SPO11: variants seen among roughly 807,000 people sequenced by gnomAD.
The protein encoded by SPO11 is SPO11 initiator of meiotic double strand breaks.
Under a neutral mutation model 51.6 loss-of-function variants are expected in SPO11, and 49 were observed. That is an observed-to-expected ratio of 0.95 (90% CI 0.75 to 1.20). The LOEUF is 1.20. SPO11 is among the 50% of genes most tolerant of loss of function. SPO11 has a pLI of 0.00. For missense variants in SPO11, 431 were observed against 473.4 expected, an observed-to-expected ratio of 0.91 and a Z score of 0.83; for synonymous variants, 176 against 158.2, an observed-to-expected ratio of 1.11 and a Z score of -0.84.
chr20:57,334,032 C>T lies in SPO11; in HGVS notation c.447C>T (p.Val149=), dbSNP rs765572171. The change falls in exon 5 of 13, where the codon GTC becomes GTT. Residue 149 remains valine (V), a synonymous_variant. Transcript: ENST00000371263. The part of the protein sequence containing the change: ...TDSQLFGNQT[V]VDNIINDISC... Reference sequence around the variant, plus strand: ...GTCAACTCTTTGGTAACCAGACTGTCGTCGACAATATTATCAATGACATTT... The same window carrying T: ...GTCAACTCTTTGGTAACCAGACTGTTGTCGACAATATTATCAATGACATTT... The T allele has an allele frequency of 1.1e-5, 17 of 1,590,254 alleles. No individual in the cohort carries two copies. The highest frequency in any genetic ancestry group is 9.4e-5 in the African/African-American group (7 of 74,374).
At position 57,329,919 on chromosome 20, in the gene SPO11, C is replaced by T. The variant is rs769791952; in HGVS notation, c.52C>T (p.Arg18Ter). ...PEASFFDVLD[R>*]HRESLLAALR... ...GGCCTCGTTCTTCGACGTTTTGGAC[C>T]GACACAGGGAGTCCCTGCTGGCTGC... The change falls in exon 1 of 13, where the codon CGA becomes TGA. Residue 18 changes from arginine (R) to a stop codon, truncating the protein, a stop_gained. Coordinates refer to ENST00000371263, the MANE Select transcript of SPO11 (RefSeq NM_012444.3). LOFTEE classifies it high-confidence loss of function. 1.9e-6 allele frequency: 3 copies of T among 1,613,832 alleles called. No individual in the cohort carries two copies. Among genetic ancestry groups the T allele is most frequent in the Non-Finnish European group, 2.5e-6 (3 of 1,179,916 alleles).
rs2066422389 is a variant in SPO11 at position 57,329,913 on chromosome 20, T to G, written c.46T>G (p.Leu16Val). ...MGPEASFFDV[L>V]DRHRESLLAA... ...GCCCGAGGCCTCGTTCTTCGACGTT[T>G]TGGACCGACACAGGGAGTCCCTGCT... The change falls in exon 1 of 13, where the codon TTG (leucine) becomes GTG (valine). Residue 16 changes from leucine to valine, a missense_variant. Coordinates refer to ENST00000371263, the MANE Select transcript of SPO11 (RefSeq NM_012444.3). 3.7e-6 allele frequency: 6 copies of G among 1,613,898 alleles called. No homozygotes were observed. The highest frequency in any genetic ancestry group is 5.1e-6 in the Non-Finnish European group (6 of 1,179,912).
rs993697312 is a variant in SPO11 at position 57,343,519 on chromosome 20, G to A, written c.*59G>A. 2.7e-6 allele frequency: 4 copies of A among 1,504,302 alleles called. No homozygotes were observed. The Admixed American group carries it at 9.0e-5, about 34-fold the overall frequency. The allele number at this position is 1,504,302 out of a possible 1,614,324, so 93.2% of individuals were successfully genotyped here. A position where few individuals can be genotyped will look rare whatever the true frequency, so the allele number is the denominator to read the frequency against. On this transcript the variant is annotated 3_prime_UTR_variant, in exon 13 of 13. Coordinates refer to ENST00000371263, the MANE Select transcript of SPO11 (RefSeq NM_012444.3). The stretch of plus-strand genomic sequence containing the variant: ...CTTTTCATTAGTTTTGTTTTGATTG[G>A]CAAATACTATTGTGGAAAGAACATA...
rs570883340 is a variant in SPO11, at chr20:57,334,831, G to A, written c.592G>A (p.Ala198Thr). The change falls in exon 6 of 13, where the codon GCA becomes ACA. Residue 198 changes from alanine (A) to threonine (T), a missense_variant. Ala to Thr is a moderately conservative substitution (Grantham distance 58). This residue lies in a region of SPO11 where 405 missense variants were observed against 425.9 expected (regional missense o/e 0.95). Coordinates refer to ENST00000371263, the MANE Select transcript of SPO11 (RefSeq NM_012444.3). The part of the protein sequence containing the change: ...DGTKVNCTCG[A>T]TAVAVPSNIQ... ...CACCAAAGTGAATTGTACCTGTGGT[G>A]CAACGGTAAGAAGCATCATTGAAGT... 9 of 1,612,878 alleles carry A rather than the reference G, an allele frequency of 5.6e-6. No homozygotes were observed. Among genetic ancestry groups the A allele is most frequent in the Admixed American group, 5.0e-5 (3 of 59,966 alleles).
At position 57,335,898 on chromosome 20, in the gene SPO11, C is replaced by A; in HGVS notation, c.735C>A (p.Ile245=). 1 of 1,595,388 alleles carries A rather than the reference C, an allele frequency of 6.3e-7. No homozygotes were observed. The highest frequency in any genetic ancestry group is 8.6e-7 in the Non-Finnish European group (1 of 1,163,468). ...TTTGCAACAAATTGTCTCCTTGCAT[C>A]ATGATTACGGTATATTATCTAACTT... ...DNFCNKLSPC[I]MITGKGVPDL... is the part of the protein sequence containing the mutation. The change falls in exon 8 of 13, where the codon ATC becomes ATA. Residue 245 remains isoleucine, a synonymous_variant. Transcript: ENST00000371263.
intron 10 of SPO11, among the ~76,000 whole-genome samples, chr20:57,339,461 T>C (rs1279852870): frequency 2.0e-5 from 3 of 152,168 alleles, no homozygotes; most frequent in East Asian, 1.9e-4. Flanking sequence ...ATACCAGTGG[T>C]CTCACAGTGT....
chr20:57,340,832 A>G (rs1041929802), intron 11 of SPO11, among the ~76,000 whole-genome samples: 1 of 152,198 alleles, frequency 6.6e-6, no homozygotes, highest in Non-Finnish European at 1.5e-5. Flanking sequence ...ATCATTTGCC[A>G]TATGAATCAA....
chr20:57,329,853 C>A lies in SPO11; in HGVS notation c.-15C>A. The A allele has an allele frequency of 6.2e-7, 1 of 1,605,706 alleles. No individual in the cohort carries two copies. The highest frequency in any genetic ancestry group is 8.5e-7 in the Non-Finnish European group (1 of 1,175,348). Reference sequence around the variant, plus strand: ...GGACAGGGGCTTCTGGAGCTTCTGGCAGCCGTCTGCCCTCATGGCCTTTGC... The same window carrying A: ...GGACAGGGGCTTCTGGAGCTTCTGGAAGCCGTCTGCCCTCATGGCCTTTGC... On this transcript the variant is annotated 5_prime_UTR_variant, in exon 1 of 13. Coordinates refer to ENST00000371263, the MANE Select transcript of SPO11 (RefSeq NM_012444.3).
rs1457361677 is a variant in SPO11 at position 57,335,289 on chromosome 20, T to C, written c.598-130T>C. Reference sequence around the variant, plus strand: ...TGAGGGGTAAAGCTGTTTTCTACTATTTTTTAACAGAGGAAGAAGTCTCTG... The same window carrying C: ...TGAGGGGTAAAGCTGTTTTCTACTACTTTTTAACAGAGGAAGAAGTCTCTG... On this transcript the variant is annotated intron_variant, in intron 6 of 12. Transcript: ENST00000371263. 2.5e-5 allele frequency: 19 copies of C among 747,330 alleles called. No individual in the cohort carries two copies. The East Asian group carries it at 5.2e-4, about 21-fold the overall frequency. 46.3% of individuals were successfully genotyped at this position (747,330 alleles called of 1,614,324 possible). A position where few individuals can be genotyped will look rare whatever the true frequency, so the allele number is the denominator to read the frequency against.
Position 57,335,563 on chromosome 20 carries a change from G to A in SPO11, c.634+108G>A, listed in dbSNP as rs1007519577. 2.3e-5 allele frequency: 26 copies of A among 1,131,500 alleles called. No individual in the cohort carries two copies. The African/African-American group carries it at 4.1e-4, about 18-fold the overall frequency. The allele number at this position is 1,131,500 out of a possible 1,614,324, so 70.1% of individuals were successfully genotyped here. On this transcript the variant is annotated intron_variant, in intron 7 of 12. Coordinates refer to ENST00000371263, the MANE Select transcript of SPO11 (RefSeq NM_012444.3). ...ATGTGTAAGGAACAAGTTAGGCCCT[G>A]TAGCAGTCAAGATGAACACACCATG...
intron 1 of SPO11, among the ~76,000 whole-genome samples, chr20:57,330,512 G>A (rs1025883457): frequency 7.9e-5 from 12 of 152,048 alleles, no homozygotes; most frequent in Admixed American, 6.6e-4. Context: ...AAGACAACAT[G>A]TTTAATTGTT....
intron 8 of SPO11, among the ~76,000 whole-genome samples, chr20:57,337,194 GCT>G (rs1488692104): frequency 6.6e-6 from 1 of 152,176 alleles, no homozygotes; most frequent in Admixed American, 6.5e-5. Flanking sequence ...CTCTTCCTCT[GCT>G]CTCTGTTTCA....
intron 10 of SPO11, 103 bp downstream of exon 10, chr20:57,339,129 C>A: frequency 1.4e-6 from 1 of 705,010 alleles, no homozygotes; most frequent in Non-Finnish European, 2.2e-6. Flanking sequence ...GCTGAGAGTG[C>A]CCAAAGTGTA....
In SPO11 at chr20:57,343,883, G is replaced by A. The variant is rs6064531; in HGVS notation, c.*423G>A. 13,480 of 152,818 alleles carry A rather than the reference G, an allele frequency of 0.088. 1,250 individuals are homozygous for A. Among genetic ancestry groups the A allele is most frequent in the African/African-American group, 0.24 (9,918 of 41,450 alleles). The allele number at this position is 152,818 out of a possible 1,614,324, so 9.5% of individuals were successfully genotyped here. A position where few individuals can be genotyped will look rare whatever the true frequency, so the allele number is the denominator to read the frequency against. The stretch of plus-strand genomic sequence containing the variant: ...ATGTTGCAAATGAATTGTGGTGTCC[G>A]GTAGTTTCTTCTTACATTTTCCTTT... On this transcript the variant is annotated 3_prime_UTR_variant, in exon 13 of 13. Coordinates refer to ENST00000371263, the MANE Select transcript of SPO11 (RefSeq NM_012444.3).
intron 10 of SPO11, 71 bp downstream of exon 10, chr20:57,339,097 T>C: frequency 9.4e-7 from 1 of 1,065,650 alleles, no homozygotes; most frequent in East Asian, 2.7e-5. Context: ...GATTTCTGCA[T>C]TTATTAATCA....
intron 10 of SPO11, among the ~76,000 whole-genome samples, chr20:57,339,273 C>T (rs1241840923): frequency 6.6e-6 from 1 of 152,112 alleles, no homozygotes; most frequent in Non-Finnish European, 1.5e-5. Context: ...TTATCCTGCA[C>T]TCTCTTGGCA....
intron 5 of SPO11, 59 bp downstream of exon 5, chr20:57,334,154 A>AT: frequency 3.3e-6 from 3 of 898,400 alleles, no homozygotes; most frequent in Admixed American, 3.0e-5. Context: ...TATAAAACAT[A>AT]ATTTTTTTTT....
rs1055667414 is a variant in SPO11, at chr20:57,329,966, GC to G, written c.104del (p.Pro35GlnfsTer17). The G allele has an allele frequency of 1.9e-6, 3 of 1,610,054 alleles. No homozygotes were observed. The highest frequency in any genetic ancestry group is 2.5e-6 in the Non-Finnish European group (3 of 1,178,798). On this transcript the variant is annotated frameshift_variant, in exon 1 of 13. Coordinates refer to ENST00000371263, the MANE Select transcript of SPO11 (RefSeq NM_012444.3). LOFTEE classifies it high-confidence loss of function. The part of the protein sequence containing the change: ...LAALRRGGRE[P>X]PTGGSRLASS... ...CTGCCCTGAGGAGAGGTGGCAGGGAGCCCCCAACTGGGGGAAGCCGCCTGGC... is the reference window on the plus strand; with the variant it reads ...CTGCCCTGAGGAGAGGTGGCAGGGAGCCCCAACTGGGGGAAGCCGCCTGGC...
chr20:57,340,760 C>G (rs1401835315), intron 11 of SPO11, among the ~76,000 whole-genome samples: 2 of 151,316 alleles, frequency 1.3e-5, no homozygotes, highest in Non-Finnish European at 1.5e-5. Context: ...GAGCTTGACT[C>G]TGTCTCCAAA....
Sources: gnomAD v4.1 joint callset for allele counts (sites outside exome capture counted in the v4.1 genomes callset) on GRCh38, gnomAD v4.1.1 for gene constraint, gnomAD v4.1.1 regional missense constraint, MANE v1.5 for transcripts, NCBI Gene and HGNC (gene_info 2026-07-23, HGNC 2026-07-21) for gene names.